The following CHMP3 variants were observed in gnomAD, a reference collection of about 807,000 sequenced individuals.
CHMP3 encodes the protein charged multivesicular body protein 3.
CHMP3 carries 8 observed loss-of-function variants against 27.4 expected under a neutral mutation model. The observed-to-expected ratio is 0.29, with a 90% CI of 0.17 to 0.53. CHMP3 has a LOEUF of 0.53. CHMP3 is among the 20% of genes least tolerant of loss of function. The pLI is 0.96. For synonymous variants in CHMP3, 86 were observed against 85.5 expected (o/e 1.01, Z -0.03); for missense variants, 208 against 271.5 (o/e 0.77, Z 1.64).
At chr2:86,528,469 C>G (rs1385870948) in intron 3 of CHMP3, among the ~76,000 whole-genome samples, 1 of 152,188 alleles carries the variant, frequency 6.6e-6, no homozygotes, top group Non-Finnish European at 1.5e-5. Flanking sequence ...TCCTGAGCAG[C>G]TGGGACTACA....
chr2:86,510,264 G>A (rs148938909), intron 4 of CHMP3, 94 bp downstream of exon 4: 80 of 1,521,198 alleles, frequency 5.3e-5, no homozygotes, highest in South Asian at 8.5e-5. Context: ...GGTGTAGTCT[G>A]TTCATCCCCA....
chr2:86,509,249 C>T (rs552648975), intron 4 of CHMP3, among the ~76,000 whole-genome samples: 1 of 152,280 alleles, frequency 6.6e-6, no homozygotes, highest in East Asian at 1.9e-4. Flanking sequence ...TGAAGGCACT[C>T]CAAGAATGAT....
At chr2:86,560,563 T>C (rs949203127) in intron 1 of CHMP3, among the ~76,000 whole-genome samples, 2 of 150,850 alleles carry the variant, frequency 1.3e-5, no homozygotes, top group African/African-American at 4.9e-5. Context: ...CTGTCAGGGG[T>C]TGGGGGTTGG....
At chr2:86,540,720 T>C (rs569548380) in intron 2 of CHMP3, 2 of 152,254 alleles carry the variant, frequency 1.3e-5, no homozygotes, top group South Asian at 4.1e-4. Flanking sequence ...ATTTTGTTGT[T>C]TTCTGTATTT....
In CHMP3 at chr2:86,521,959, T is replaced by C. The variant is rs186396420; in HGVS notation, c.286+7259A>G. ...TTTCGGGTATATCTCAAAAGTGGAA[T>C]AGCTGGAGCATATGGTAATTCTATT... On this transcript the variant is annotated intron_variant, in intron 3 of 5. Coordinates refer to ENST00000263856, the MANE Select transcript of CHMP3 (RefSeq NM_016079.4). Among the ~76,000 whole-genome samples the C allele has an allele frequency of 3.9e-5, 6 of 152,312 alleles. No individual in the cohort carries two copies. In the East Asian group the frequency reaches 1.2e-3, roughly 29 times the overall value.
At chr2:86,551,113 A>G (rs1408822757) in intron 1 of CHMP3, among the ~76,000 whole-genome samples, 1 of 152,180 alleles carries the variant, frequency 6.6e-6, no homozygotes. Context: ...TGTCCTGGCA[A>G]TTGGTTCTTA....
intron 2 of CHMP3, among the ~76,000 whole-genome samples, chr2:86,530,493 A>C (rs1675879073): frequency 6.6e-6 from 1 of 152,196 alleles, no homozygotes; most frequent in Non-Finnish European, 1.5e-5. Flanking sequence ...TAATATTTTT[A>C]AGGTTCAAGC....
At chr2:86,546,371 AG>A (rs139355609) in intron 1 of CHMP3, among the ~76,000 whole-genome samples, 8 of 97,594 alleles carry the variant, frequency 8.2e-5, no homozygotes, top group East Asian at 3.0e-4. Flanking sequence ...AGGGAGGGGA[AG>A]GGGGGGAGGG....
chr2:86,551,892 G>A (rs1015524028), intron 1 of CHMP3, among the ~76,000 whole-genome samples: 1 of 152,118 alleles, frequency 6.6e-6, no homozygotes, highest in Non-Finnish European at 1.5e-5. Flanking sequence ...CCATAAAAAG[G>A]CTTAGAAGCA....
chr2:86,506,608 A>G (rs1016999054), intron 5 of CHMP3, among the ~76,000 whole-genome samples: 7 of 149,644 alleles, frequency 4.7e-5, no homozygotes, highest in African/African-American at 1.7e-4. Flanking sequence ...TTTATTAGGC[A>G]TTTAGTTTGT....
chr2:86,543,390 G>A (rs1676437188), intron 1 of CHMP3, among the ~76,000 whole-genome samples: 1 of 152,134 alleles, frequency 6.6e-6, no homozygotes, highest in African/African-American at 2.4e-5. Context: ...ATATAGAGCT[G>A]GAAAGGCTAA....
intron 1 of CHMP3, among the ~76,000 whole-genome samples, chr2:86,551,534 G>A (rs1676905168): frequency 6.6e-6 from 1 of 152,144 alleles, no homozygotes; most frequent in African/African-American, 2.4e-5. Flanking sequence ...TGGGATTACA[G>A]GTGTGAGCCA....
chr2:86,505,105 A>T lies in CHMP3; in HGVS notation c.*699T>A, dbSNP rs1674839121. The T allele has an allele frequency of 6.6e-6, 1 of 152,512 alleles. No individual in the cohort carries two copies. The highest frequency in any genetic ancestry group is 2.4e-5 in the African/African-American group (1 of 41,434). 9.4% of individuals were successfully genotyped at this position (152,512 alleles called of 1,614,324 possible). A position where few individuals can be genotyped will look rare whatever the true frequency, so the allele number is the denominator to read the frequency against. The stretch of plus-strand genomic sequence containing the variant: ...CAATGAGAGGTGAAAGAGACCTAGT[A>T]CTACAGCTGTCTCATCTGGGTGCAA... On this transcript the variant is annotated 3_prime_UTR_variant, in exon 6 of 6. Transcript: ENST00000263856.
At chr2:86,506,245 TA>T (rs1398900015) in intron 5 of CHMP3, among the ~76,000 whole-genome samples, 1 of 152,236 alleles carries the variant, frequency 6.6e-6, no homozygotes, top group Non-Finnish European at 1.5e-5. Context: ...AAATTGTTTC[TA>T]AATCTTCACA....
intron 2 of CHMP3, among the ~76,000 whole-genome samples, chr2:86,539,978 A>G (rs1388190180): frequency 6.6e-6 from 1 of 152,102 alleles, no homozygotes. Context: ...ACTTAAGTCT[A>G]GGATAACATA....
chr2:86,545,579 G>A (rs1246510942), intron 1 of CHMP3, among the ~76,000 whole-genome samples: 11 of 124,490 alleles, frequency 8.8e-5, no homozygotes, highest in South Asian at 5.8e-4. Flanking sequence ...CTTCCCAGAC[G>A]GGGCGACTGC....
At chr2:86,521,946 C>T (rs1472670469) in intron 3 of CHMP3, among the ~76,000 whole-genome samples, 1 of 152,156 alleles carries the variant, frequency 6.6e-6, no homozygotes, top group Non-Finnish European at 1.5e-5. Flanking sequence ...TCGGGTATAT[C>T]TCAAAAGTGG....
intron 1 of CHMP3, among the ~76,000 whole-genome samples, chr2:86,552,773 A>C (rs1295553113): frequency 6.6e-6 from 1 of 152,208 alleles, no homozygotes; most frequent in African/African-American, 2.4e-5. Context: ...TATCAAACTT[A>C]GATCCAACTT....
chr2:86,541,950 G>C (rs1182582278), intron 2 of CHMP3, among the ~76,000 whole-genome samples: 22 of 152,142 alleles, frequency 1.4e-4, no homozygotes, highest in Admixed American at 1.4e-3. Flanking sequence ...AGATAGAGCA[G>C]TGACAATGAA....
Sources: allele counts gnomAD v4.1 joint callset (sites outside exome capture counted in the v4.1 genomes callset), GRCh38; gene constraint gnomAD v4.1.1; transcripts MANE v1.5; gene names NCBI Gene and HGNC (gene_info 2026-07-23, HGNC 2026-07-21).